Variants in NAALADL2 observed in about 807,000 individuals in gnomAD.
NAALADL2 encodes the protein inactive N-acetylated-alpha-linked acidic dipeptidase-like protein 2.
In NAALADL2, 76 loss-of-function variants were observed where a neutral mutation model predicts 87.2. The observed-to-expected ratio is 0.87, with a 90% CI of 0.72 to 1.05. The LOEUF (loss-of-function observed/expected upper bound fraction) is 1.05. Among genes scored for constraint, NAALADL2 ranks in the 50% least tolerant of loss-of-function variants. NAALADL2 has a pLI of 0.00. For missense variants in NAALADL2, 1,089 were observed against 945.8 expected (o/e 1.15, Z -1.99); for synonymous variants, 354 against 331.0 (o/e 1.07, Z -0.75).
chr3:174,797,305 C>CTTTTTTTTTTTTTTTTTTTTTTTT (rs1160338109), intron 3 of NAALADL2, among the ~76,000 whole-genome samples: 14 of 72,720 alleles, frequency 1.9e-4, no homozygotes, highest in Middle Eastern at 9.6e-3. Context: ...TTTCTTTTTT[C>CTTTTTTTTTTTTTTTTTTTTTTTT]TTTTTTTTTT....
At chr3:174,554,254 T>C (rs1215109944) in intron 2 of NAALADL2, among the ~76,000 whole-genome samples, 4 of 152,120 alleles carry the variant, frequency 2.6e-5, no homozygotes, top group Non-Finnish European at 5.9e-5. Context: ...ATCATATCTT[T>C]AATGGTTTTG....
chr3:174,637,324 G>C (rs982864083), intron 2 of NAALADL2, among the ~76,000 whole-genome samples: 1 of 151,852 alleles, frequency 6.6e-6, no homozygotes, highest in African/African-American at 2.4e-5. Flanking sequence ...TAAAGGAGAG[G>C]ACTTTAAATG....
chr3:175,447,202 T>A, intron 5 of NAALADL2, 27 bp from the exon 6 acceptor site: 1 of 1,506,008 alleles, frequency 6.6e-7, no homozygotes, highest in Non-Finnish European at 8.9e-7. Context: ...TTACTAAGGA[T>A]TATCTTCCTT....
chr3:175,222,129 T>A (rs1283422969), intron 2 of NAALADL2, among the ~76,000 whole-genome samples: 2 of 152,172 alleles, frequency 1.3e-5, no homozygotes, highest in Admixed American at 1.3e-4. Flanking sequence ...CAGAAAAATG[T>A]ACTTGGCACA....
At chr3:174,763,595 A>AAAAAAAAAAAAAG (rs1713368517) in intron 3 of NAALADL2, among the ~76,000 whole-genome samples, 1 of 149,122 alleles carries the variant, frequency 6.7e-6, no homozygotes, top group African/African-American at 2.5e-5. Context: ...TCAAAAAAAA[A>AAAAAAAAAAAAAG]AAAAAAGACT....
intron 1 of NAALADL2, among the ~76,000 whole-genome samples, chr3:174,922,441 T>C (rs1735378127): frequency 6.6e-6 from 1 of 152,100 alleles, no homozygotes; most frequent in Admixed American, 6.6e-5. Flanking sequence ...TCCTGTAATA[T>C]TAACAACATA....
At chr3:174,877,887 A>C (rs1204657374) in intron 1 of NAALADL2, among the ~76,000 whole-genome samples, 4 of 152,090 alleles carry the variant, frequency 2.6e-5, no homozygotes, top group Non-Finnish European at 5.9e-5. Flanking sequence ...AATTCCTTAC[A>C]AACAATTATA....
intron 9 of NAALADL2, among the ~76,000 whole-genome samples, chr3:175,515,597 G>T (rs1020190709): frequency 2.0e-5 from 3 of 150,828 alleles, no homozygotes; most frequent in Admixed American, 2.0e-4. Flanking sequence ...ATACACAACT[G>T]CCCAAAGAGT....
In NAALADL2 at chr3:174,663,258, A is replaced by G. The variant is rs528034719; in HGVS notation, c.-114-74383A>G. Among the ~76,000 whole-genome samples, 10 of 152,322 alleles carry G rather than the reference A, an allele frequency of 6.6e-5. No individual in the cohort carries two copies. In the South Asian group the frequency reaches 2.1e-3, roughly 32 times the overall value. On this transcript the variant is annotated intron_variant, in intron 2 of 3. Coordinates refer to the NAALADL2 transcript ENST00000434257. ...AAGTGGATGACAAAAATAACATAAAATGAGCTTAAAATATTTGTAGATATG... is the reference window on the plus strand; with the variant it reads ...AAGTGGATGACAAAAATAACATAAAGTGAGCTTAAAATATTTGTAGATATG...
intron 2 of NAALADL2, among the ~76,000 whole-genome samples, chr3:174,640,459 G>C (rs1456278638): frequency 2.1e-5 from 2 of 94,726 alleles, no homozygotes; most frequent in African/African-American, 1.1e-4. Context: ...TGATCAGTGT[G>C]TGTGTGTGGA....
chr3:175,558,017 A>G (rs547168529), intron 9 of NAALADL2, among the ~76,000 whole-genome samples: 12 of 151,442 alleles, frequency 7.9e-5, no homozygotes, highest in African/African-American at 2.4e-4. Context: ...ACATGGTGAA[A>G]CCCCGTTTCT....
At chr3:174,912,892 T>C (rs1417610456) in intron 1 of NAALADL2, among the ~76,000 whole-genome samples, 2 of 152,218 alleles carry the variant, frequency 1.3e-5, no homozygotes, top group African/African-American at 4.8e-5. Flanking sequence ...GATTTGAACA[T>C]GATAAACTAG....
At chr3:175,783,859 T>G (rs968731987) in intron 13 of NAALADL2, among the ~76,000 whole-genome samples, 107 of 146,512 alleles carry the variant, frequency 7.3e-4, no homozygotes, top group Middle Eastern at 3.4e-3. Flanking sequence ...TAGCTCTTAT[T>G]ATTTTGAAAT....
intron 1 of NAALADL2, among the ~76,000 whole-genome samples, chr3:174,974,608 A>C (rs1273773446): frequency 6.6e-6 from 1 of 152,214 alleles, no homozygotes; most frequent in South Asian, 2.1e-4. Flanking sequence ...GGCTCCTAGA[A>C]TGTATGCTAC....
At chr3:174,671,767 C>T (rs564118634) in intron 2 of NAALADL2, among the ~76,000 whole-genome samples, 2 of 152,128 alleles carry the variant, frequency 1.3e-5, no homozygotes, top group East Asian at 3.9e-4. Flanking sequence ...GTTTGAAGCC[C>T]AGCATTTCTG....
chr3:174,444,398 G>A (rs1714889527), intron 1 of NAALADL2, among the ~76,000 whole-genome samples: 1 of 152,106 alleles, frequency 6.6e-6, no homozygotes, highest in Non-Finnish European at 1.5e-5. Context: ...TTTCCATTTG[G>A]TCAGGAATAT....
intron 11 of NAALADL2, among the ~76,000 whole-genome samples, chr3:175,661,287 G>A (rs553337463): frequency 1.3e-4 from 20 of 149,822 alleles, no homozygotes; most frequent in African/African-American, 4.1e-4. Flanking sequence ...TTGATGATTT[G>A]TATTTGTTTG....
intron 1 of NAALADL2, among the ~76,000 whole-genome samples, chr3:174,448,095 G>C (rs868677774): frequency 1.1e-4 from 17 of 152,124 alleles, no homozygotes; most frequent in African/African-American, 3.9e-4. Flanking sequence ...TATGATTTCT[G>C]TGAGGTGCTC....
At chr3:175,220,287 C>T (rs993169230) in intron 2 of NAALADL2, among the ~76,000 whole-genome samples, 1 of 150,636 alleles carries the variant, frequency 6.6e-6, no homozygotes, top group African/African-American at 2.4e-5. Context: ...TCTGTTATAA[C>T]TGATTTCTTT....
Sources: allele counts gnomAD v4.1 joint callset (sites outside exome capture counted in the v4.1 genomes callset), GRCh38; gene constraint gnomAD v4.1.1; transcripts MANE v1.5; gene names NCBI Gene and HGNC (gene_info 2026-07-23, HGNC 2026-07-21).